The following PRELID2 variants were observed in gnomAD, a reference collection of about 807,000 sequenced individuals.
PRELID2 encodes PRELI domain-containing protein 2.
In PRELID2, 25 loss-of-function variants were observed where a neutral mutation model predicts 28.4. The observed-to-expected ratio is 0.88, with a 90% CI of 0.64 to 1.23. PRELID2 has a LOEUF of 1.23. Ranked by LOEUF, PRELID2 falls within the 50% of genes most tolerant of loss-of-function variation. The pLI, the probability that PRELID2 is intolerant of heterozygous loss-of-function variation, is 0.00. For missense variants in PRELID2, 201 were observed against 214.4 expected (o/e 0.94, Z 0.39); for synonymous variants, 76 against 71.6 (o/e 1.06, Z -0.31).
intron 1 of PRELID2, among the ~76,000 whole-genome samples, chr5:145,635,990 CTT>C (rs1411851623): frequency 3.9e-5 from 6 of 152,164 alleles, no homozygotes; most frequent in Non-Finnish European, 5.9e-5. Flanking sequence ...AGTGTGGACT[CTT>C]TGCAGGGAAA....
chr5:145,796,552 A>G lies in PRELID2; in HGVS notation c.369-5T>C. On this transcript the variant is annotated splice_region_variant and splice_polypyrimidine_tract_variant and intron_variant, in intron 4 of 6. Transcript: ENST00000683046. Reference sequence around the variant, plus strand: ...CCTCTTTGAATGAACTCTGTCCTGCAAAAAAAACAAAAAACACATCTTTGA... The same window carrying G: ...CCTCTTTGAATGAACTCTGTCCTGCGAAAAAAACAAAAAACACATCTTTGA... 1 of 1,541,036 alleles carries G rather than the reference A, an allele frequency of 6.5e-7. No individual in the cohort carries two copies. The highest frequency in any genetic ancestry group is 8.8e-7 in the Non-Finnish European group (1 of 1,132,566).
At chr5:145,582,105 T>C (rs553899102) in intron 1 of PRELID2, among the ~76,000 whole-genome samples, 1 of 152,040 alleles carries the variant, frequency 6.6e-6, no homozygotes, top group Non-Finnish European at 1.5e-5. Flanking sequence ...ACACAGTCTC[T>C]GGGGTCACAA....
chr5:145,659,967 T>G (rs1754462549), intron 1 of PRELID2, among the ~76,000 whole-genome samples: 1 of 152,096 alleles, frequency 6.6e-6, no homozygotes, highest in African/African-American at 2.4e-5. Flanking sequence ...ATAATAATCA[T>G]CACAGCTCTA....
chr5:145,755,747 C>CCAGGT (rs112869254), downstream of PRELID2, among the ~76,000 whole-genome samples: 1 of 151,870 alleles, frequency 6.6e-6, no homozygotes, highest in Admixed American at 6.6e-5. Flanking sequence ...ACACACTGGA[C>CCAGGT]CAAAAGAGAA....
intron 1 of PRELID2, among the ~76,000 whole-genome samples, chr5:145,505,271 C>T (rs1317842811): frequency 6.6e-6 from 1 of 152,154 alleles, no homozygotes; most frequent in Non-Finnish European, 1.5e-5. Flanking sequence ...ATCATCAATG[C>T]CACCACTAGT....
chr5:145,739,095 A>G (rs917318935), intron 1 of PRELID2, among the ~76,000 whole-genome samples: 1 of 152,226 alleles, frequency 6.6e-6, no homozygotes, highest in African/African-American at 2.4e-5. Flanking sequence ...TTCAGGAGTT[A>G]AGAGGAAATC....
intron 1 of PRELID2, among the ~76,000 whole-genome samples, chr5:145,702,802 G>A (rs960844547): frequency 2.0e-5 from 3 of 152,048 alleles, no homozygotes; most frequent in Admixed American, 6.6e-5. Flanking sequence ...CTACCTACCA[G>A]GGCACCCCTA....
At chr5:145,238,512 A>G in the PRELID2 span, among the ~76,000 whole-genome samples, 2 of 152,084 alleles carry the variant, frequency 1.3e-5, no homozygotes, top group Non-Finnish European at 2.9e-5. Flanking sequence ...CACATTTCCT[A>G]TTGCTACTTT....
chr5:145,739,936 G>GA (rs1362766299), intron 1 of PRELID2, among the ~76,000 whole-genome samples: 29 of 136,534 alleles, frequency 2.1e-4, no homozygotes, highest in Non-Finnish European at 3.9e-4. Flanking sequence ...AGAAAACAAA[G>GA]AAAAAAATAG....
At chr5:145,297,375 T>C in the PRELID2 span, among the ~76,000 whole-genome samples, 1 of 152,022 alleles carries the variant, frequency 6.6e-6, no homozygotes, top group Non-Finnish European at 1.5e-5. Context: ...ACCACATGAT[T>C]ATCTCAATAG....
intron 1 of PRELID2, among the ~76,000 whole-genome samples, chr5:145,622,155 T>C (rs1266533262): frequency 2.6e-5 from 4 of 152,148 alleles, no homozygotes; most frequent in African/African-American, 7.2e-5. Context: ...TTTGCCATTG[T>C]CTAGGGCTGG....
chr5:145,650,938 G>A (rs113514454), intron 1 of PRELID2, among the ~76,000 whole-genome samples: 67 of 152,264 alleles, frequency 4.4e-4, no homozygotes, highest in African/African-American at 1.3e-3. Context: ...CCCACCGAGC[G>A]TGAGCCAAAG....
the PRELID2 span, among the ~76,000 whole-genome samples, chr5:145,369,070 G>T: frequency 2.4e-4 from 37 of 151,700 alleles, no homozygotes; most frequent in Middle Eastern, 0.01. Context: ...ACAGTATTTG[G>T]GGTTTCTGTT....
chr5:145,478,926 C>G (rs574885291), intron 1 of PRELID2, among the ~76,000 whole-genome samples: 21 of 152,304 alleles, frequency 1.4e-4, no homozygotes, highest in Non-Finnish European at 2.6e-4. Context: ...GTTGTATAGC[C>G]TGGGCATGTG....
chr5:145,596,121 T>TAAAAAAAAAAAA (rs1753302987), intron 1 of PRELID2, among the ~76,000 whole-genome samples: 1 of 118,124 alleles, frequency 8.5e-6, no homozygotes, highest in African/African-American at 4.0e-5. Context: ...AAAAAAAAAG[T>TAAAAAAAAAAAA]CTGTTTAGGC....
intron 1 of PRELID2, among the ~76,000 whole-genome samples, chr5:145,514,318 C>CAAGAAAAAAAAAAAAAAAAAA (rs1752493527): frequency 1.5e-5 from 1 of 67,496 alleles, no homozygotes; most frequent in Non-Finnish European, 3.0e-5. Context: ...AAATGGAAAG[C>CAAGAAAAAAAAAAAAAAAAAA]AAAAAAAAAA....
chr5:145,703,052 C>T (rs1755450885), intron 1 of PRELID2, among the ~76,000 whole-genome samples: 1 of 152,192 alleles, frequency 6.6e-6, no homozygotes, highest in South Asian at 2.1e-4. Context: ...AAAGCTGGGT[C>T]CAAGTTGGAA....
intron 1 of PRELID2, among the ~76,000 whole-genome samples, chr5:145,565,707 T>A (rs918218219): frequency 1.3e-5 from 2 of 152,234 alleles, no homozygotes; most frequent in South Asian, 4.1e-4. Flanking sequence ...AATCTGTGCC[T>A]GGATTCAGGA....
At chr5:145,623,269 G>A (rs201894160) in intron 1 of PRELID2, among the ~76,000 whole-genome samples, 14 of 151,618 alleles carry the variant, frequency 9.2e-5, no homozygotes, top group East Asian at 3.9e-4. Flanking sequence ...CCAACATGGC[G>A]AAACCCCGTC....
Sources: allele counts gnomAD v4.1 joint callset (sites outside exome capture counted in the v4.1 genomes callset), GRCh38; gene constraint gnomAD v4.1.1; transcripts MANE v1.5; gene names NCBI Gene and HGNC (gene_info 2026-07-23, HGNC 2026-07-21).